Variants in ZNF782 observed in about 807,000 individuals in gnomAD.
ZNF782 encodes the protein zinc finger protein 782.
Under a neutral mutation model 13.0 loss-of-function variants are expected in ZNF782, and 12 were observed. The observed-to-expected ratio is 0.92, with a 90% CI of 0.59 to 1.50. ZNF782 has a LOEUF of 1.50. Ranked by LOEUF, ZNF782 falls within the 40% of genes most tolerant of loss-of-function variation. ZNF782 has a pLI of 0.00. For synonymous variants in ZNF782, 284 were observed against 283.0 expected, an observed-to-expected ratio of 1.00 and a Z score of -0.04; for missense variants, 770 against 822.9, an observed-to-expected ratio of 0.94 and a Z score of 0.79.
At chr9:96,822,824 C>T (rs1051810237) in intron 5 of ZNF782, among the ~76,000 whole-genome samples, 2 of 152,002 alleles carry the variant, frequency 1.3e-5, no homozygotes, top group Admixed American at 1.3e-4. Context: ...TTTTCATTTA[C>T]TCTTTGATTA....
chr9:96,826,201 A>G (rs1416075598), intron 5 of ZNF782, among the ~76,000 whole-genome samples: 2 of 152,222 alleles, frequency 1.3e-5, no homozygotes, highest in African/African-American at 4.8e-5. Context: ...CATATACACC[A>G]TGGAATACTA....
intron 4 of ZNF782, among the ~76,000 whole-genome samples, chr9:96,838,060 CCT>C (rs945583911): frequency 4.6e-5 from 7 of 152,116 alleles, no homozygotes; most frequent in African/African-American, 1.4e-4. Context: ...CTTAAATTAA[CCT>C]CTGATTATTG....
At position 96,875,378 on chromosome 9, in the gene ZNF782, T is replaced by A. The variant is rs2281952; in HGVS notation, c.-457+90A>T. On this transcript the variant is annotated intron_variant, in intron 1 of 5. Coordinates refer to the ZNF782 transcript ENST00000498811. ...CAGCCAAGTGTATGATTTACCTAAG[T>A]TTCAAAACAACGCCATGAAGCAGGC... is the stretch of plus-strand genomic sequence containing the variant. The A allele has an allele frequency of 0.022, 9,418 of 430,096 alleles. 478 individuals carry two copies. The East Asian group carries it at 0.23, about 11-fold the overall frequency. The allele number at this position is 430,096 out of a possible 1,614,324, so 26.6% of individuals were successfully genotyped here.
chr9:96,893,999 C>CAAAAAAAAAAAAAAAAAAAAA, the ZNF782 span: 2 of 48,886 alleles, frequency 4.1e-5, no homozygotes, highest in East Asian at 8.4e-4. Flanking sequence ...GACTCCGTCT[C>CAAAAAAAAAAAAAAAAAAAAA]AAAAAAAAAA....
the ZNF782 span, among the ~76,000 whole-genome samples, chr9:96,896,651 A>G: frequency 6.6e-6 from 1 of 152,200 alleles, no homozygotes; most frequent in Non-Finnish European, 1.5e-5. Flanking sequence ...ATATTCCTCA[A>G]TTGAGTGTGT....
At position 96,850,939 on chromosome 9, in the gene ZNF782, CTAAG is replaced by C. The variant is rs1205289519; in HGVS notation, c.15+1004_15+1007del. 2.0e-5 allele frequency among the ~76,000 whole-genome samples: 3 copies of C among 151,966 alleles called. No homozygotes were observed. Among genetic ancestry groups the C allele is most frequent in the African/African-American group, 4.8e-5 (2 of 41,384 alleles). ...TTAATAAATATATCTAAGTAAAGTGCTAAGTAAGTAGGCAAGTTGCATCTTCAGT... is the reference window on the plus strand; with the variant it reads ...TTAATAAATATATCTAAGTAAAGTGCTAAGTAGGCAAGTTGCATCTTCAGT... On this transcript the variant is annotated intron_variant, in intron 3 of 5. Coordinates refer to ENST00000481138, the MANE Select transcript of ZNF782 (RefSeq NM_001001662.3). The surrounding 1 kb of genome is among the most constrained non-coding windows in gnomAD (Gnocchi z 4.3).
intron 1 of ZNF782, among the ~76,000 whole-genome samples, chr9:96,873,737 C>T (rs1312829573): frequency 6.6e-6 from 1 of 152,196 alleles, no homozygotes; most frequent in Non-Finnish European, 1.5e-5. Flanking sequence ...GAATAAGGAC[C>T]ACTAACATTG....
At chr9:96,881,972 C>A in the ZNF782 span, among the ~76,000 whole-genome samples, 2 of 142,726 alleles carry the variant, frequency 1.4e-5, no homozygotes, top group Non-Finnish European at 3.0e-5. Context: ...ATAAAATGAA[C>A]TATTTTGGAA....
intron 1 of ZNF782, among the ~76,000 whole-genome samples, chr9:96,873,500 C>T (rs1044012850): frequency 5.9e-5 from 9 of 152,254 alleles, no homozygotes; most frequent in African/African-American, 2.2e-4. Context: ...AGCAGTTCAA[C>T]ACCAGCCTGG....
chr9:96,829,222 G>C lies in ZNF782; in HGVS notation c.143-2041C>G, dbSNP rs538909402. Among the ~76,000 whole-genome samples, 26 of 151,736 alleles carry C rather than the reference G, an allele frequency of 1.7e-4. No homozygotes were observed. The East Asian group carries it at 2.1e-3, about 12-fold the overall frequency. On this transcript the variant is annotated intron_variant, in intron 4 of 5. Coordinates refer to ENST00000481138, the MANE Select transcript of ZNF782 (RefSeq NM_001001662.3). ...ATATAAAAAAATTTATAGAGATAAAGAGCACCATAAACTGGAAAAAAGAGG... is the reference window on the plus strand; with the variant it reads ...ATATAAAAAAATTTATAGAGATAAACAGCACCATAAACTGGAAAAAAGAGG...
chr9:96,864,627 A>G (rs898956319), intron 1 of ZNF782, among the ~76,000 whole-genome samples: 14 of 152,136 alleles, frequency 9.2e-5, no homozygotes, highest in African/African-American at 3.1e-4. Flanking sequence ...AAGAAACCAA[A>G]TGTGTTGTTC....
chr9:96,917,361 G>C, the ZNF782 span, among the ~76,000 whole-genome samples: 4 of 151,386 alleles, frequency 2.6e-5, no homozygotes, highest in Non-Finnish European at 4.4e-5. Context: ...GGCTATTTGT[G>C]GTAGAAAAAT....
Position 96,841,048 on chromosome 9 carries a change from C to T in ZNF782, c.142+3842G>A, listed in dbSNP as rs116700713. Among the ~76,000 whole-genome samples, 1,508 of 151,742 alleles carry T rather than the reference C, an allele frequency of 9.9e-3. 19 individuals are homozygous for T. The highest frequency in any genetic ancestry group is 0.035 in the African/African-American group (1,452 of 41,438). On this transcript the variant is annotated intron_variant, in intron 4 of 5. Transcript: ENST00000481138. ...AAAAGAGCAAGAAGACAGAAATGAC[C>T]AATATAAAGAATAAAACAGGTCTAT...
chr9:96,844,862 A>G, intron 4 of ZNF782, 28 bp downstream of exon 4: 2 of 1,613,736 alleles, frequency 1.2e-6, no homozygotes, highest in Non-Finnish European at 1.7e-6. Flanking sequence ...TGCACTCTGG[A>G]GGGAACCCCA....
the ZNF782 span, chr9:96,932,561 A>G: frequency 3.8e-6 from 5 of 1,314,112 alleles, no homozygotes; most frequent in South Asian, 1.3e-5. Flanking sequence ...GTACATTTTC[A>G]GCAACATTAA....
At chr9:96,903,385 C>T in the ZNF782 span, among the ~76,000 whole-genome samples, 3 of 151,516 alleles carry the variant, frequency 2.0e-5, no homozygotes, top group African/African-American at 7.3e-5. Flanking sequence ...CTTTTTTTGC[C>T]GGGTAGTCTT....
intron 3 of ZNF782, among the ~76,000 whole-genome samples, chr9:96,859,819 T>TG (rs922119954): frequency 6.6e-5 from 10 of 152,292 alleles, no homozygotes; most frequent in Admixed American, 5.9e-4. Context: ...AGTGGACTGT[T>TG]GGAGTCCCTG....
chr9:96,851,088 T>C (rs1272547939), intron 3 of ZNF782, among the ~76,000 whole-genome samples: 2 of 152,166 alleles, frequency 1.3e-5, no homozygotes, highest in Non-Finnish European at 2.9e-5. Flanking sequence ...ATTTTTCTCT[T>C]GGTTTATACC....
At chr9:96,884,446 G>T in the ZNF782 span, among the ~76,000 whole-genome samples, 1 of 152,286 alleles carries the variant, frequency 6.6e-6, no homozygotes, top group South Asian at 2.1e-4. Flanking sequence ...CTGATGTTTT[G>T]CTTCTCCCCT....
Sources: gnomAD v4.1 joint callset for allele counts (sites outside exome capture counted in the v4.1 genomes callset) on GRCh38, gnomAD v4.1.1 for gene constraint, Gnocchi (gnomAD v3.1) non-coding constraint, MANE v1.5 for transcripts, NCBI Gene and HGNC (gene_info 2026-07-23, HGNC 2026-07-21) for gene names.